The following SPECC1 variants were observed in gnomAD, a reference collection of about 807,000 sequenced individuals.
The protein encoded by SPECC1 is cytospin-B.
SPECC1 carries 62 observed loss-of-function variants against 104.1 expected under a neutral mutation model. That is an observed-to-expected ratio of 0.60 (90% CI 0.49 to 0.74). The LOEUF is 0.74. Ranked by LOEUF, SPECC1 falls within the 30% of genes least tolerant of loss-of-function variation. SPECC1 has a pLI of 0.00. For missense variants in SPECC1, 1,306 were observed against 1,310.5 expected, an observed-to-expected ratio of 1.00 and a Z score of 0.05; for synonymous variants, 513 against 501.6, an observed-to-expected ratio of 1.02 and a Z score of -0.30.
Position 20,314,282 on chromosome 17 carries a change from C to G in SPECC1, c.*217C>G. The G allele has an allele frequency of 1.7e-6, 1 of 577,058 alleles. No homozygotes were observed. The highest frequency in any genetic ancestry group is 3.1e-6 in the Non-Finnish European group (1 of 319,236). The allele number at this position is 577,058 out of a possible 1,614,324, so 35.7% of individuals were successfully genotyped here. ...ATGCAGCTGGACTGTAAATTGGGGA[C>G]TCTTTGATCTCTTGTGGGATGCTTC... On this transcript the variant is annotated 3_prime_UTR_variant, in exon 15 of 15. Transcript: ENST00000395527.
At chr17:20,136,257 C>G (rs1379927798) in intron 3 of SPECC1, among the ~76,000 whole-genome samples, 1 of 152,016 alleles carries the variant, frequency 6.6e-6, no homozygotes, top group Non-Finnish European at 1.5e-5. Flanking sequence ...AACCCCGTCT[C>G]TACTGAAAAT....
intron 3 of SPECC1, among the ~76,000 whole-genome samples, chr17:20,157,779 T>A (rs1451707725): frequency 1.3e-5 from 2 of 152,214 alleles, no homozygotes; most frequent in Non-Finnish European, 2.9e-5. Flanking sequence ...TTTCAAAGAA[T>A]GCATATCATT....
intron 3 of SPECC1, among the ~76,000 whole-genome samples, chr17:20,151,455 A>G (rs915929421): frequency 6.6e-6 from 1 of 152,330 alleles, no homozygotes; most frequent in South Asian, 2.1e-4. Context: ...TCAGTTTACA[A>G]TGGGTTATTG....
chr17:20,031,640 C>T (rs574701659), intron 1 of SPECC1, among the ~76,000 whole-genome samples: 1 of 152,186 alleles, frequency 6.6e-6, no homozygotes, highest in Non-Finnish European at 1.5e-5. Context: ...AAATTCTGTA[C>T]CCATTCAACA....
intron 9 of SPECC1, among the ~76,000 whole-genome samples, chr17:20,251,978 A>AGATGGTGGGT (rs1567985081): frequency 6.6e-6 from 1 of 152,188 alleles, no homozygotes. Context: ...GAAGCTGCCA[A>AGATGGTGGGT]GATGGTGGGT....
Position 20,114,896 on chromosome 17 carries a change from A to G in SPECC1, c.283+4334A>G, listed in dbSNP as rs185541034. Among the ~76,000 whole-genome samples the G allele has an allele frequency of 6.7e-3, 1,014 of 152,322 alleles. 9 individuals are homozygous for G. The highest frequency in any genetic ancestry group is 0.023 in the African/African-American group (958 of 41,568). Reference sequence around the variant, plus strand: ...TTTATTATTTTTACCAAGACAGAGAAGTATTGTATTGAGAGATTATCTATT... The same window carrying G: ...TTTATTATTTTTACCAAGACAGAGAGGTATTGTATTGAGAGATTATCTATT... On this transcript the variant is annotated intron_variant, in intron 3 of 14. Transcript: ENST00000395527.
intron 7 of SPECC1, among the ~76,000 whole-genome samples, chr17:20,241,789 G>C (rs2039215717): frequency 6.6e-6 from 1 of 152,164 alleles, no homozygotes; most frequent in African/African-American, 2.4e-5. Flanking sequence ...CATAATTTCT[G>C]TCTTCAAATA....
At chr17:20,058,483 C>A (rs1032229392) in intron 1 of SPECC1, among the ~76,000 whole-genome samples, 4 of 151,954 alleles carry the variant, frequency 2.6e-5, no homozygotes, top group Non-Finnish European at 5.9e-5. Context: ...CATGGTGAGA[C>A]CCCCATCTCT....
Position 20,242,512 on chromosome 17 carries a change from GC to G in SPECC1, c.2352-3412del, listed in dbSNP as rs199560610. ...TGCAACTGTTGTTCTCTAGTATCTG[GC>G]CTGCAACTGTTGTTCTCTAGTATGG... On this transcript the variant is annotated intron_variant, in intron 7 of 14. Coordinates refer to ENST00000395527, the MANE Select transcript of SPECC1 (RefSeq NM_001243439.2). Among the ~76,000 whole-genome samples, 449 of 152,280 alleles carry G rather than the reference GC, an allele frequency of 2.9e-3. 17 individuals are homozygous for G. The East Asian group carries it at 0.084, about 28-fold the overall frequency.
intron 3 of SPECC1, among the ~76,000 whole-genome samples, chr17:20,111,292 G>C (rs889016877): frequency 2.0e-5 from 3 of 152,020 alleles, no homozygotes; most frequent in African/African-American, 7.3e-5. Flanking sequence ...TGTGTTGAAG[G>C]GGCACTTATA....
intron 10 of SPECC1, among the ~76,000 whole-genome samples, chr17:20,255,812 T>C (rs1056678297): frequency 6.6e-6 from 1 of 151,974 alleles, no homozygotes; most frequent in African/African-American, 2.4e-5. Context: ...CCTCAAGCAA[T>C]CCTCTTGCCT....
chr17:20,103,074 C>T lies in SPECC1; in HGVS notation c.147+6276C>T, dbSNP rs575468526. Among the ~76,000 whole-genome samples the T allele has an allele frequency of 1.6e-4, 25 of 152,320 alleles. No homozygotes were observed. The East Asian group carries it at 4.6e-3, about 28-fold the overall frequency. On this transcript the variant is annotated intron_variant, in intron 2 of 14. Transcript: ENST00000395527. The stretch of plus-strand genomic sequence containing the variant: ...AGCACTGGCAGAGCCAGGATTCAGA[C>T]CCAGGTGGTCTGTATTTTCAGCCCT...
At position 20,275,544 on chromosome 17, in the gene SPECC1, A is replaced by G. The variant is rs539093041; in HGVS notation, c.2940+15250A>G. 2.6e-5 allele frequency among the ~76,000 whole-genome samples: 4 copies of G among 152,310 alleles called. No individual in the cohort carries two copies. In the East Asian group the frequency reaches 7.7e-4, roughly 29 times the overall value. ...GTTCTGTCCAGTCTGACAAATGAAA[A>G]CCTGAAAACCCCAAAAATGTTGTTG... On this transcript the variant is annotated intron_variant, in intron 12 of 14. Transcript: ENST00000395527.
chr17:20,212,846 A>G (rs895373928), intron 4 of SPECC1, among the ~76,000 whole-genome samples: 20 of 152,198 alleles, frequency 1.3e-4, no homozygotes, highest in African/African-American at 4.8e-4. Context: ...AATTATATTA[A>G]TATGTTTAAA....
chr17:20,315,472 TCA>T lies in SPECC1; in HGVS notation c.*1412_*1413del, dbSNP rs1160896511. The T allele has an allele frequency of 4.3e-6, 1 of 232,836 alleles. No individual in the cohort carries two copies. Among genetic ancestry groups the T allele is most frequent in the Non-Finnish European group, 8.5e-6 (1 of 117,852 alleles). 14.4% of individuals were successfully genotyped at this position (232,836 alleles called of 1,614,324 possible). ...ACTACACAGCGAGTGAGGGCGTGGC[TCA>T]CACAGTTGTTTGAGGGAAATGGGTA... is the stretch of plus-strand genomic sequence containing the variant. On this transcript the variant is annotated 3_prime_UTR_variant, in exon 15 of 15. Transcript: ENST00000395527.
Position 20,314,126 on chromosome 17 carries a change from G to C in SPECC1, c.*61G>C, listed in dbSNP as rs528221339. On this transcript the variant is annotated 3_prime_UTR_variant, in exon 15 of 15. Coordinates refer to ENST00000395527, the MANE Select transcript of SPECC1 (RefSeq NM_001243439.2). ...ACTGCAGCTTTTCCTGGAAGCGCCT[G>C]ATTACTGTCCACTGACCCTGCTCTG... The C allele has an allele frequency of 1.1e-5, 16 of 1,444,972 alleles. No individual in the cohort carries two copies. The East Asian group carries it at 1.4e-4, about 13-fold the overall frequency. The allele number at this position is 1,444,972 out of a possible 1,614,324, so 89.5% of individuals were successfully genotyped here.
At chr17:20,097,890 A>G (rs2152506926) in intron 2 of SPECC1, among the ~76,000 whole-genome samples, 1 of 152,188 alleles carries the variant, frequency 6.6e-6, no homozygotes, top group East Asian at 1.9e-4. Context: ...AGGACATCTG[A>G]ATTTCCTGTC....
At chr17:20,283,132 C>G (rs907128546) in intron 12 of SPECC1, among the ~76,000 whole-genome samples, 1 of 152,156 alleles carries the variant, frequency 6.6e-6, no homozygotes, top group Non-Finnish European at 1.5e-5. Flanking sequence ...TACAGTGAGC[C>G]CTGATCACAC....
intron 1 of SPECC1, among the ~76,000 whole-genome samples, chr17:20,094,417 C>A (rs189041681): frequency 1.3e-5 from 2 of 152,290 alleles, no homozygotes; most frequent in Admixed American, 1.3e-4. Context: ...TTAATTTTGA[C>A]TGAGGTGGCT....
Sources: allele counts gnomAD v4.1 joint callset (sites outside exome capture counted in the v4.1 genomes callset), GRCh38; gene constraint gnomAD v4.1.1; transcripts MANE v1.5; gene names NCBI Gene and HGNC (gene_info 2026-07-23, HGNC 2026-07-21).